JAKMIP2: variants seen among roughly 807,000 people sequenced by gnomAD.
The protein encoded by JAKMIP2 is janus kinase and microtubule-interacting protein 2.
Under a neutral mutation model 115.0 loss-of-function variants are expected in JAKMIP2, and 25 were observed. The ratio of observed to expected loss-of-function variants is 0.22; its 90% CI spans 0.16 to 0.30. JAKMIP2 has a LOEUF of 0.30. Among genes scored for constraint, JAKMIP2 ranks in the 10% least tolerant of loss-of-function variants. The pLI is 1.00. For synonymous variants in JAKMIP2, 334 were observed against 343.6 expected, an observed-to-expected ratio of 0.97 and a Z score of 0.31; for missense variants, 642 against 957.6, an observed-to-expected ratio of 0.67 and a Z score of 4.35.
In JAKMIP2 at chr5:147,632,956, G is replaced by A. The variant is rs375732220; in HGVS notation, c.1678-178C>T. Among the ~76,000 whole-genome samples the A allele has an allele frequency of 6.6e-4, 101 of 152,144 alleles. 1 individual carries two copies. The highest frequency in any genetic ancestry group is 1.7e-3 in the South Asian group (8 of 4,818). On this transcript the variant is annotated intron_variant, in intron 12 of 21. Coordinates refer to ENST00000616793, the MANE Select transcript of JAKMIP2 (RefSeq NM_001270941.2). ...TTGGCTTTCCTTCTAGTTATCCTTC[G>A]GTTGAGTTTTTTGAGTCACAGAGAA...
Position 147,782,553 on chromosome 5 carries a change from T to C in JAKMIP2, c.-246A>G. 1 of 1,340,898 alleles carries C rather than the reference T, an allele frequency of 7.5e-7. No individual in the cohort carries two copies. The highest frequency in any genetic ancestry group is 1.0e-6 in the Non-Finnish European group (1 of 970,268). The allele number at this position is 1,340,898 out of a possible 1,614,324, so 83.1% of individuals were successfully genotyped here. A position where few individuals can be genotyped will look rare whatever the true frequency, so the allele number is the denominator to read the frequency against. On this transcript the variant is annotated 5_prime_UTR_variant, in exon 1 of 22. It removes an upstream start codon present in the reference 5' UTR. Coordinates refer to ENST00000616793, the MANE Select transcript of JAKMIP2 (RefSeq NM_001270941.2). ...TCGGATGCAGCCTCCGAACCCAACA[T>C]CAGCAGTGGCTGCCGGTTTTTTTTT...
intron 1 of JAKMIP2, among the ~76,000 whole-genome samples, chr5:147,762,823 A>G (rs921770186): frequency 2.6e-5 from 4 of 152,072 alleles, no homozygotes; most frequent in East Asian, 1.9e-4. Context: ...TTTTTATTCA[A>G]TTATTTCCCA....
chr5:147,686,932 A>G (rs1209485552), intron 1 of JAKMIP2, among the ~76,000 whole-genome samples: 1 of 152,218 alleles, frequency 6.6e-6, no homozygotes. Context: ...ACAACTTATT[A>G]GGAAAAACAA....
intron 2 of JAKMIP2, among the ~76,000 whole-genome samples, chr5:147,666,155 A>C (rs1759288838): frequency 6.6e-6 from 1 of 152,166 alleles, no homozygotes; most frequent in African/African-American, 2.4e-5. Context: ...GCTTCTTTTT[A>C]AGTCTGGAAG....
At chr5:147,639,586 G>C in intron 10 of JAKMIP2, 46 bp downstream of exon 10, 1 of 1,569,604 alleles carries the variant, frequency 6.4e-7, no homozygotes, top group Non-Finnish European at 8.6e-7. Flanking sequence ...TTTATGCTGT[G>C]ACTGCTGCAC....
At chr5:147,648,919 G>A (rs571491732) in intron 4 of JAKMIP2, among the ~76,000 whole-genome samples, 1 of 152,148 alleles carries the variant, frequency 6.6e-6, no homozygotes, top group Non-Finnish European at 1.5e-5. Flanking sequence ...AGGAGGTAGG[G>A]ATTAATATTG....
chr5:147,618,534 C>T (rs574155245), intron 18 of JAKMIP2, among the ~76,000 whole-genome samples: 26 of 152,118 alleles, frequency 1.7e-4, no homozygotes, highest in Admixed American at 1.1e-3. Flanking sequence ...GTCAGGAGTT[C>T]GAGACCAGCC....
At chr5:147,697,102 G>A (rs926363727) in intron 1 of JAKMIP2, among the ~76,000 whole-genome samples, 1 of 152,070 alleles carries the variant, frequency 6.6e-6, no homozygotes, top group Non-Finnish European at 1.5e-5. Context: ...GTATTAGTTC[G>A]TTTTCACACT....
chr5:147,680,462 A>G (rs571964696), intron 1 of JAKMIP2, among the ~76,000 whole-genome samples: 2 of 151,570 alleles, frequency 1.3e-5, no homozygotes, highest in Admixed American at 6.6e-5. Flanking sequence ...TGCCACTGCA[A>G]TGTGATGTGA....
At chr5:147,706,930 A>C (rs1752580608) in intron 1 of JAKMIP2, among the ~76,000 whole-genome samples, 1 of 152,212 alleles carries the variant, frequency 6.6e-6, no homozygotes, top group Non-Finnish European at 1.5e-5. Flanking sequence ...AGAGAATGAC[A>C]GTCAGTAAAG....
At chr5:147,643,066 C>A (rs1757957375) in intron 7 of JAKMIP2, among the ~76,000 whole-genome samples, 1 of 152,022 alleles carries the variant, frequency 6.6e-6, no homozygotes, top group African/African-American at 2.4e-5. Context: ...TGCAGATGAC[C>A]TATTGTGGGA....
intron 1 of JAKMIP2, among the ~76,000 whole-genome samples, chr5:147,768,634 T>A (rs1375585791): frequency 6.6e-6 from 1 of 152,124 alleles, no homozygotes; most frequent in Non-Finnish European, 1.5e-5. Context: ...GGTCAGACAG[T>A]ATTAAAATAT....
intron 1 of JAKMIP2, among the ~76,000 whole-genome samples, chr5:147,690,970 C>T (rs539939181): frequency 6.6e-6 from 1 of 152,148 alleles, no homozygotes; most frequent in Admixed American, 6.5e-5. Context: ...GGGGTAGGTG[C>T]CTGAAGCTCT....
intron 1 of JAKMIP2, among the ~76,000 whole-genome samples, chr5:147,770,063 G>A (rs577708222): frequency 1.3e-5 from 2 of 152,024 alleles, no homozygotes; most frequent in Admixed American, 1.3e-4. Flanking sequence ...TAAAACGTAT[G>A]TATATATGTT....
chr5:147,661,318 T>C lies in JAKMIP2; in HGVS notation c.257A>G (p.Gln86Arg). 5 of 1,614,060 alleles carry C rather than the reference T, an allele frequency of 3.1e-6. No individual in the cohort carries two copies. Among genetic ancestry groups the C allele is most frequent in the Non-Finnish European group, 3.4e-6 (4 of 1,180,012 alleles). The change falls in exon 3 of 22, where the codon CAG (glutamine) becomes CGG (arginine). Residue 86 changes from glutamine (Q) to arginine (R), a missense_variant. Physicochemically the swap from Gln to Arg is conservative, Grantham distance 43 (BLOSUM62 1). Coordinates refer to ENST00000616793, the MANE Select transcript of JAKMIP2 (RefSeq NM_001270941.2). Reference sequence around the variant, plus strand: ...CTTGATAAGGTTCTCCCTCACAGCCTGCAGCTCCTTCATCTTCTCCTCATG... The same window carrying C: ...CTTGATAAGGTTCTCCCTCACAGCCCGCAGCTCCTTCATCTTCTCCTCATG... ...KLHEEKMKEL[Q>R]AVRENLIKQH...
chr5:147,748,287 A>G (rs956066688), intron 1 of JAKMIP2, among the ~76,000 whole-genome samples: 4 of 152,206 alleles, frequency 2.6e-5, no homozygotes, highest in African/African-American at 9.7e-5. Flanking sequence ...ATATATATAT[A>G]AATCCCACAG....
At chr5:147,743,999 TTTCCTTCCTTCC>T (rs542685199) in intron 1 of JAKMIP2, among the ~76,000 whole-genome samples, 6,107 of 112,010 alleles carry the variant, frequency 0.055, 200 homozygotes, top group South Asian at 0.08. Context: ...TCCTAACTTC[TTTCCTTCCTTCC>T]TTCCTTCCTT....
intron 1 of JAKMIP2, among the ~76,000 whole-genome samples, chr5:147,729,795 T>C (rs1199904222): frequency 2.0e-5 from 3 of 151,232 alleles, no homozygotes; most frequent in Non-Finnish European, 4.4e-5. Context: ...AAAAAAACTT[T>C]GTTCTGTGAA....
At chr5:147,692,081 C>G (rs554167255) in intron 1 of JAKMIP2, among the ~76,000 whole-genome samples, 1 of 152,186 alleles carries the variant, frequency 6.6e-6, no homozygotes, top group South Asian at 2.1e-4. Context: ...ACTCCCAGTA[C>G]CAAGGAATGT....
Sources: allele counts gnomAD v4.1 joint callset (sites outside exome capture counted in the v4.1 genomes callset), GRCh38; gene constraint gnomAD v4.1.1; transcripts MANE v1.5; gene names NCBI Gene and HGNC (gene_info 2026-07-23, HGNC 2026-07-21).